Variants in UVRAG observed in about 807,000 individuals in gnomAD.
The protein encoded by UVRAG is UV radiation resistance associated.
A neutral mutation model predicts 78.0 loss-of-function variants in UVRAG; 19 were observed. The observed-to-expected ratio is 0.24, with a 90% CI of 0.17 to 0.36. The LOEUF (loss-of-function observed/expected upper bound fraction) is 0.36. Ranked by LOEUF, UVRAG falls within the 10% of genes least tolerant of loss-of-function variation. The pLI is 1.00. For missense variants in UVRAG, 740 were observed against 853.8 expected (o/e 0.87, Z 1.66); for synonymous variants, 323 against 324.6 (o/e 1.00, Z 0.05).
chr11:76,012,454 A>G (rs1950067579), intron 11 of UVRAG, among the ~76,000 whole-genome samples: 1 of 152,128 alleles, frequency 6.6e-6, no homozygotes, highest in Non-Finnish European at 1.5e-5. Context: ...TCTTGCCACA[A>G]TTCAGTTTTC....
chr11:75,942,156 TGGTAAAC>T (rs1948496885), intron 6 of UVRAG: 3 of 152,692 alleles, frequency 2.0e-5, no homozygotes, highest in Admixed American at 6.6e-5. Context: ...TATTTATTCC[TGGTAAAC>T]TTCAATCCCA....
In UVRAG at chr11:76,129,463, A is replaced by T. The variant is rs116880940; in HGVS notation, c.1398-11248A>T. 4.5e-4 allele frequency among the ~76,000 whole-genome samples: 69 copies of T among 152,154 alleles called. 1 individual carries two copies. The highest frequency in any genetic ancestry group is 7.8e-4 in the Non-Finnish European group (53 of 67,990). ...CCTAGGCCCTTTTTTCTCTCACTTT[A>T]TTCTAAGTGGAGATAAGTTCTGATA... On this transcript the variant is annotated intron_variant, in intron 14 of 14. Coordinates refer to ENST00000356136, the MANE Select transcript of UVRAG (RefSeq NM_003369.4).
At chr11:75,959,283 G>A (rs1394878078) in intron 6 of UVRAG, among the ~76,000 whole-genome samples, 5 of 152,214 alleles carry the variant, frequency 3.3e-5, no homozygotes, top group African/African-American at 1.2e-4. Flanking sequence ...ACAGAAGGCT[G>A]TTTCATCTAT....
chr11:76,100,604 C>T (rs553427284), intron 13 of UVRAG, among the ~76,000 whole-genome samples: 1 of 152,230 alleles, frequency 6.6e-6, no homozygotes, highest in Admixed American at 6.5e-5. Flanking sequence ...GCAGTTTAAA[C>T]AACATTCTTT....
At chr11:75,941,383 A>G (rs1948480008) in intron 6 of UVRAG, among the ~76,000 whole-genome samples, 1 of 152,052 alleles carries the variant, frequency 6.6e-6, no homozygotes, top group Non-Finnish European at 1.5e-5. Flanking sequence ...TTCCTTTCTA[A>G]AAAGCCTTCT....
chr11:76,088,549 T>G (rs551272985), intron 13 of UVRAG, among the ~76,000 whole-genome samples: 1 of 143,228 alleles, frequency 7.0e-6, no homozygotes. Context: ...CTTCACATGA[T>G]CTATCTGTCT....
chr11:75,943,549 G>A (rs551683915), intron 6 of UVRAG, among the ~76,000 whole-genome samples: 17 of 152,122 alleles, frequency 1.1e-4, no homozygotes, highest in South Asian at 1.0e-3. Context: ...TGCCAAATGT[G>A]GTTCTTCTTG....
At chr11:75,967,597 T>C (rs562725338) in intron 7 of UVRAG, among the ~76,000 whole-genome samples, 13 of 152,328 alleles carry the variant, frequency 8.5e-5, no homozygotes, top group African/African-American at 2.2e-4. Context: ...CAAGACCTCT[T>C]TGTACCCTTA....
intron 14 of UVRAG, among the ~76,000 whole-genome samples, chr11:76,116,262 C>T (rs1221000614): frequency 6.6e-6 from 1 of 152,148 alleles, no homozygotes; most frequent in African/African-American, 2.4e-5. Context: ...GGTGGCTGAG[C>T]AAGGAGCCCT....
At chr11:76,083,895 A>C (rs1388199331) in intron 13 of UVRAG, among the ~76,000 whole-genome samples, 1 of 152,228 alleles carries the variant, frequency 6.6e-6, no homozygotes, top group African/African-American at 2.4e-5. Context: ...TAAAACACGT[A>C]AATGTTACTT....
intron 13 of UVRAG, among the ~76,000 whole-genome samples, chr11:76,100,153 A>G (rs955042245): frequency 6.6e-6 from 1 of 152,120 alleles, no homozygotes; most frequent in Non-Finnish European, 1.5e-5. Context: ...CCTGACAAAA[A>G]TCTTCCAGAA....
chr11:75,955,341 C>G (rs1425866455), intron 6 of UVRAG, among the ~76,000 whole-genome samples: 1 of 151,820 alleles, frequency 6.6e-6, no homozygotes, highest in African/African-American at 2.4e-5. Flanking sequence ...TTTATGTGAC[C>G]TAAGAAATCA....
intron 4 of UVRAG, among the ~76,000 whole-genome samples, chr11:75,888,423 C>T (rs1307112683): frequency 1.3e-5 from 2 of 152,060 alleles, no homozygotes; most frequent in African/African-American, 2.4e-5. Flanking sequence ...GGAATATAGG[C>T]GTGAGCTACT....
chr11:76,000,537 G>A (rs1949792922), intron 8 of UVRAG, among the ~76,000 whole-genome samples: 1 of 152,012 alleles, frequency 6.6e-6, no homozygotes, highest in South Asian at 2.1e-4. Context: ...GAGTTGAGGA[G>A]TTGGAGGCTG....
chr11:75,879,593 G>T (rs78313796), intron 3 of UVRAG, among the ~76,000 whole-genome samples: 1 of 152,146 alleles, frequency 6.6e-6, no homozygotes, highest in Non-Finnish European at 1.5e-5. Context: ...TAATAATCAC[G>T]TATTAAGTGT....
At chr11:75,879,799 AC>A in intron 3 of UVRAG, 79 bp from the exon 4 acceptor site, 2 of 1,542,054 alleles carry the variant, frequency 1.3e-6, no homozygotes, top group South Asian at 1.3e-5. Context: ...GTTTTGAAAA[AC>A]AAAATGATTT....
At chr11:75,880,899 T>A (rs1056288861) in intron 4 of UVRAG, among the ~76,000 whole-genome samples, 2 of 151,274 alleles carry the variant, frequency 1.3e-5, no homozygotes, top group Non-Finnish European at 2.9e-5. Context: ...CTCCATAATA[T>A]TTTCTTTCTT....
At chr11:76,095,232 A>G (rs914714294) in intron 13 of UVRAG, among the ~76,000 whole-genome samples, 1 of 152,124 alleles carries the variant, frequency 6.6e-6, no homozygotes, top group Non-Finnish European at 1.5e-5. Context: ...CCCCAACTTT[A>G]CTGCCAATTC....
chr11:76,042,656 T>C (rs1476244529), intron 12 of UVRAG, among the ~76,000 whole-genome samples: 3 of 152,232 alleles, frequency 2.0e-5, no homozygotes, highest in Non-Finnish European at 4.4e-5. Flanking sequence ...AATAGTTTTA[T>C]GCACTAAGAC....
Sources: gnomAD v4.1 joint callset for allele counts (sites outside exome capture counted in the v4.1 genomes callset) on GRCh38, gnomAD v4.1.1 for gene constraint, MANE v1.5 for transcripts, NCBI Gene and HGNC (gene_info 2026-07-23, HGNC 2026-07-21) for gene names.